The following NOTCH2 variants were observed in gnomAD, a reference collection of about 807,000 sequenced individuals.
The protein encoded by NOTCH2 is neurogenic locus notch homolog protein 2.
NOTCH2 carries 29 observed loss-of-function variants against 235.8 expected under a neutral mutation model. The observed-to-expected ratio is 0.12, with a 90% CI of 0.09 to 0.17. NOTCH2 has a LOEUF of 0.17. Among genes scored for constraint, NOTCH2 ranks in the 10% least tolerant of loss-of-function variants. The pLI, the probability that NOTCH2 is intolerant of heterozygous loss-of-function variation, is 1.00. For synonymous variants in NOTCH2, 1,086 were observed against 1,141.5 expected (o/e 0.95, Z 0.98); for missense variants, 2,285 against 3,150.2 (o/e 0.73, Z 6.57).
chr1:120,042,849 C>A (rs1374579224), intron 1 of NOTCH2, among the ~76,000 whole-genome samples: 44 of 151,464 alleles, frequency 2.9e-4, no homozygotes, highest in Non-Finnish European at 5.3e-4. Context: ...TTAAGAAGAA[C>A]AAGTTTATAA....
intron 2 of NOTCH2, among the ~76,000 whole-genome samples, chr1:120,015,940 A>AC (rs782117632): frequency 1.7e-5 from 2 of 117,408 alleles, no homozygotes; most frequent in Non-Finnish European, 3.5e-5. Flanking sequence ...TCTACTCTCA[A>AC]CCCCCCCTTC....
chr1:119,934,969 C>T, intron 22 of NOTCH2: 1 of 377,118 alleles, frequency 2.7e-6, no homozygotes, highest in Non-Finnish European at 3.6e-6. Flanking sequence ...CATCTCTCAT[C>T]AGGCCTTACT....
In NOTCH2 at chr1:119,935,585, C is replaced by T. The variant is rs1165929988; in HGVS notation, c.3542G>A (p.Gly1181Asp). Reference sequence around the variant, plus strand: ...ATCCACTTCATACTCACAGTTGACACCCTGATAGCCTGGGACACACTGCCA... The same window carrying T: ...ATCCACTTCATACTCACAGTTGACATCCTGATAGCCTGGGACACACTGCCA... ...YRCECVPGYQ[G>D]VNCEYEVDEC... Residue 1181 changes from glycine to aspartate, a missense_variant, in exon 22 of 34, where the codon GGT (glycine) becomes GAT (aspartate). This residue lies in a region of NOTCH2 where 1,173 missense variants were observed against 1,515.3 expected (regional missense o/e 0.77). Coordinates refer to ENST00000256646, the MANE Select transcript of NOTCH2 (RefSeq NM_024408.4). 6.2e-7 allele frequency: 1 copy of T among 1,614,062 alleles called. No individual in the cohort carries two copies. Among genetic ancestry groups the T allele is most frequent in the Non-Finnish European group, 8.5e-7 (1 of 1,180,046 alleles).
chr1:119,932,938 A>G (rs1316539808), intron 22 of NOTCH2, among the ~76,000 whole-genome samples: 2 of 152,216 alleles, frequency 1.3e-5, no homozygotes, highest in Non-Finnish European at 2.9e-5. Context: ...AAGTATTTTC[A>G]CTGTATACTT....
intron 12 of NOTCH2, 86 bp downstream of exon 12, chr1:119,959,306 A>T (rs1022124365): frequency 4.6e-5 from 37 of 805,806 alleles, no homozygotes; most frequent in Non-Finnish European, 7.8e-5. Context: ...GAAATAGGAA[A>T]CACTTGAAAA....
In NOTCH2 at chr1:119,913,365, A is replaced by G. The variant is rs1307880479; in HGVS notation, c.*1941T>C. The G allele has an allele frequency of 4.3e-6, 1 of 233,206 alleles. No homozygotes were observed. Among genetic ancestry groups the G allele is most frequent in the Non-Finnish European group, 8.5e-6 (1 of 118,078 alleles). 14.4% of individuals were successfully genotyped at this position (233,206 alleles called of 1,614,324 possible). On this transcript the variant is annotated 3_prime_UTR_variant, in exon 34 of 34. Transcript: ENST00000256646. Reference sequence around the variant, plus strand: ...TTTCCATATGGGGCCACCGACAGACAAATCAGGTAAGTGGGAAGCACTGAT... The same window carrying G: ...TTTCCATATGGGGCCACCGACAGACGAATCAGGTAAGTGGGAAGCACTGAT...
Position 119,915,034 on chromosome 1 carries a change from T to C in NOTCH2, c.*272A>G, listed in dbSNP as rs1460229149. On this transcript the variant is annotated 3_prime_UTR_variant, in exon 34 of 34. Transcript: ENST00000256646. ...ATAAGCATCCATCTTATTCTCCAAA[T>C]AGAAGAGAGTAAACATGGACCCAAG... 1 of 508,852 alleles carries C rather than the reference T, an allele frequency of 2.0e-6. No individual in the cohort carries two copies. The highest frequency in any genetic ancestry group is 1.9e-5 in the African/African-American group (1 of 52,498). The allele number at this position is 508,852 out of a possible 1,614,324, so 31.5% of individuals were successfully genotyped here.
chr1:120,062,744 C>G (rs1172716618), intron 1 of NOTCH2, among the ~76,000 whole-genome samples: 1 of 135,108 alleles, frequency 7.4e-6, no homozygotes, highest in Admixed American at 7.2e-5. Flanking sequence ...CACCACAATG[C>G]TCCCCCAATA....
At chr1:119,949,371 AC>A (rs1553197452) in intron 15 of NOTCH2, among the ~76,000 whole-genome samples, 27 of 149,704 alleles carry the variant, frequency 1.8e-4, no homozygotes, top group African/African-American at 6.1e-4. Context: ...TAGTTTCCCT[AC>A]ACTACTATTT....
At chr1:120,003,169 C>T (rs1302207399) in intron 3 of NOTCH2, among the ~76,000 whole-genome samples, 6 of 152,082 alleles carry the variant, frequency 3.9e-5, no homozygotes, top group South Asian at 2.1e-4. Context: ...CATGAAAAAG[C>T]GAGACTGGCC....
rs1651108265 is a variant in NOTCH2 at position 119,965,657 on chromosome 1, T to C, written c.1568-91A>G. 37 of 897,804 alleles carry C rather than the reference T, an allele frequency of 4.1e-5. 1 individual carries two copies. The highest frequency in any genetic ancestry group is 3.9e-4 in the South Asian group (30 of 76,546). 55.6% of individuals were successfully genotyped at this position (897,804 alleles called of 1,614,324 possible). A position where few individuals can be genotyped will look rare whatever the true frequency, so the allele number is the denominator to read the frequency against. On this transcript the variant is annotated intron_variant, in intron 9 of 33. Transcript: ENST00000256646. The stretch of plus-strand genomic sequence containing the variant: ...GATGTTAGGTTACTAGCAGGGCTTA[T>C]ACCAATGGGTCAATAAGCCTATGCT...
At chr1:119,941,443 A>C in intron 18 of NOTCH2, 83 bp downstream of exon 18, 1 of 985,868 alleles carries the variant, frequency 1.0e-6, no homozygotes, top group Non-Finnish European at 1.6e-6. Context: ...CTGCTCCACA[A>C]TTCTAGCATT....
chr1:119,937,721 C>T (rs183303643), intron 20 of NOTCH2, 136 bp downstream of exon 20: 121 of 951,536 alleles, frequency 1.3e-4, no homozygotes, highest in Admixed American at 2.5e-4. Context: ...TGTCTTGAGC[C>T]CTTTCCCCAG....
chr1:119,978,426 G>A (rs1651680238), intron 5 of NOTCH2, among the ~76,000 whole-genome samples: 1 of 152,176 alleles, frequency 6.6e-6, no homozygotes. Flanking sequence ...AGTCCACTCT[G>A]CTGCAGTGAG....
intron 1 of NOTCH2, among the ~76,000 whole-genome samples, chr1:120,037,173 A>G (rs371440284): frequency 2.3e-4 from 35 of 152,190 alleles, no homozygotes; most frequent in South Asian, 4.1e-4. Context: ...CCACTGCTCA[A>G]TCGGAAGGTA....
At chr1:119,941,790 T>C (rs1553196510) in intron 17 of NOTCH2, 36 bp from the exon 18 acceptor site, 3 of 1,447,090 alleles carry the variant, frequency 2.1e-6, no homozygotes, top group Non-Finnish European at 2.9e-6. Context: ...CTCTGAAGAG[T>C]AGCATCAGTT....
chr1:119,977,526 T>C (rs1157259854), intron 5 of NOTCH2, among the ~76,000 whole-genome samples: 1 of 152,196 alleles, frequency 6.6e-6, no homozygotes, highest in Admixed American at 6.5e-5. Context: ...CCTGCAGTCC[T>C]CCTCTTCTAA....
At chr1:119,941,306 T>C (rs1650053252) in intron 18 of NOTCH2, among the ~76,000 whole-genome samples, 1 of 152,136 alleles carries the variant, frequency 6.6e-6, no homozygotes, top group African/African-American at 2.4e-5. Flanking sequence ...AAGCAAGAAA[T>C]AATAAACCAT....
intron 16 of NOTCH2, 70 bp downstream of exon 16, chr1:119,948,937 T>A (rs1650359415): frequency 2.5e-6 from 4 of 1,600,784 alleles, no homozygotes. Flanking sequence ...TTCCATATGA[T>A]CTGATAACCT....
Sources: allele counts gnomAD v4.1 joint callset (sites outside exome capture counted in the v4.1 genomes callset), GRCh38; gene constraint gnomAD v4.1.1; regional missense constraint gnomAD v4.1.1; transcripts MANE v1.5; gene names NCBI Gene and HGNC (gene_info 2026-07-23, HGNC 2026-07-21).